KCTD1: variants seen among roughly 807,000 people sequenced by gnomAD.
KCTD1 encodes potassium channel tetramerization domain containing 1, also known as BTB/POZ domain-containing protein KCTD1.
A neutral mutation model predicts 66.0 loss-of-function variants in KCTD1; 24 were observed. The observed-to-expected ratio is 0.36, with a 90% CI of 0.26 to 0.51. The LOEUF is 0.51. Ranked by LOEUF, KCTD1 falls within the 20% of genes least tolerant of loss-of-function variation. KCTD1 has a pLI of 0.95. For synonymous variants in KCTD1, 511 were observed against 517.2 expected (o/e 0.99, Z 0.16); for missense variants, 943 against 1,205.2 (o/e 0.78, Z 3.22).
At chr18:26,621,009 A>AT (rs1428886655) in intron 1 of KCTD1, among the ~76,000 whole-genome samples, 3 of 151,206 alleles carry the variant, frequency 2.0e-5, no homozygotes, top group African/African-American at 7.3e-5. Context: ...ATTTTTTTGT[A>AT]TTTTTAATAG....
At chr18:26,599,418 G>A (rs1677527783) in intron 1 of KCTD1, 3 of 1,611,466 alleles carry the variant, frequency 1.9e-6, no homozygotes, top group Non-Finnish European at 2.5e-6. Flanking sequence ...GGCAGATTTT[G>A]GGATCTCTGC....
At chr18:26,474,450 C>T (rs545901651) in intron 3 of KCTD1, among the ~76,000 whole-genome samples, 61 of 152,350 alleles carry the variant, frequency 4.0e-4, no homozygotes, top group African/African-American at 1.4e-3. Context: ...CTTCCAACCA[C>T]ACCGTATGTT....
intron 2 of KCTD1, among the ~76,000 whole-genome samples, chr18:26,481,736 T>A (rs1284796422): frequency 6.6e-6 from 1 of 152,214 alleles, no homozygotes; most frequent in Non-Finnish European, 1.5e-5. Context: ...CATAATGCAG[T>A]GGTTCTTAAC....
chr18:26,576,461 G>A (rs16942421), intron 1 of KCTD1, among the ~76,000 whole-genome samples: 3,189 of 152,194 alleles, frequency 0.021, 59 homozygotes, highest in Middle Eastern at 0.061. Flanking sequence ...TGAATGTACT[G>A]TTGCCAGTCT....
chr18:26,642,094 G>A (rs766505444), upstream of KCTD1, among the ~76,000 whole-genome samples: 58 of 152,084 alleles, frequency 3.8e-4, no homozygotes, highest in African/African-American at 1.4e-3. Context: ...CTATGGAATT[G>A]GGCTTGATCT....
chr18:26,495,383 T>C (rs1355499836), intron 2 of KCTD1, among the ~76,000 whole-genome samples: 1 of 152,126 alleles, frequency 6.6e-6, no homozygotes, highest in Non-Finnish European at 1.5e-5. Flanking sequence ...TTGGTGTAGC[T>C]CCACATAAGC....
intron 1 of KCTD1, among the ~76,000 whole-genome samples, chr18:26,623,126 G>T (rs907186426): frequency 1.1e-4 from 16 of 151,982 alleles, no homozygotes; most frequent in African/African-American, 3.1e-4. Context: ...CTGGCTCCAG[G>T]TCTCTTCCCT....
intron 3 of KCTD1, among the ~76,000 whole-genome samples, chr18:26,473,563 TTAA>T (rs10551915): frequency 0.72 from 106,097 of 146,536 alleles, 38,792 homozygotes; most frequent in Middle Eastern, 0.81. Flanking sequence ...GAACTTAAAA[TTAA>T]TAATAATAAT....
At chr18:26,511,114 GAC>G (rs1378397501) in intron 1 of KCTD1, among the ~76,000 whole-genome samples, 1 of 152,100 alleles carries the variant, frequency 6.6e-6, no homozygotes, top group East Asian at 1.9e-4. Context: ...ATATACTCTT[GAC>G]ACAGTGCTAT....
intron 1 of KCTD1, among the ~76,000 whole-genome samples, chr18:26,624,861 C>A (rs778805583): frequency 2.0e-5 from 3 of 152,172 alleles, no homozygotes; most frequent in Non-Finnish European, 2.9e-5. Flanking sequence ...ATGAAAACAG[C>A]TGGAAGGGAG....
intron 1 of KCTD1, among the ~76,000 whole-genome samples, chr18:26,565,310 T>C (rs1985957052): frequency 6.6e-6 from 1 of 152,238 alleles, no homozygotes; most frequent in Non-Finnish European, 1.5e-5. Context: ...AGGGGATTCA[T>C]CAAAGAGCTT....
chr18:26,630,624 T>A (rs1057125119), upstream of KCTD1, among the ~76,000 whole-genome samples: 1 of 152,200 alleles, frequency 6.6e-6, no homozygotes, highest in Non-Finnish European at 1.5e-5. Flanking sequence ...CATGAGCCAC[T>A]GTGCCCAGCC....
At chr18:26,503,793 T>G (rs1982890524) in intron 1 of KCTD1, among the ~76,000 whole-genome samples, 1 of 131,992 alleles carries the variant, frequency 7.6e-6, no homozygotes, top group Admixed American at 9.9e-5. Context: ...CTGTAAGTCA[T>G]AAATGCAATG....
intron 1 of KCTD1, among the ~76,000 whole-genome samples, chr18:26,594,774 G>A (rs1261735833): frequency 6.6e-6 from 1 of 152,144 alleles, no homozygotes; most frequent in Admixed American, 6.6e-5. Context: ...TCATGTGAGT[G>A]GGCCTCATCC....
chr18:26,562,982 G>T (rs1239417047), intron 1 of KCTD1, among the ~76,000 whole-genome samples: 1 of 152,172 alleles, frequency 6.6e-6, no homozygotes, highest in Non-Finnish European at 1.5e-5. Context: ...GAGGAACACA[G>T]TTCCGTCCGC....
intron 1 of KCTD1, among the ~76,000 whole-genome samples, chr18:26,655,553 T>G (rs1471013065): frequency 6.6e-6 from 1 of 152,240 alleles, no homozygotes; most frequent in Non-Finnish European, 1.5e-5. Flanking sequence ...TACTCCTGCC[T>G]ACTGCGGTGC....
chr18:26,507,928 T>C (rs941772981), intron 1 of KCTD1, among the ~76,000 whole-genome samples: 2 of 152,150 alleles, frequency 1.3e-5, no homozygotes, highest in African/African-American at 4.8e-5. Context: ...CACAGTTGTA[T>C]ACATACGCAC....
At chr18:26,511,791 C>G (rs1275773547) in intron 1 of KCTD1, among the ~76,000 whole-genome samples, 1 of 152,108 alleles carries the variant, frequency 6.6e-6, no homozygotes, top group Non-Finnish European at 1.5e-5. Context: ...AGAGATTTGC[C>G]TTGTTCCTTT....
intron 1 of KCTD1, among the ~76,000 whole-genome samples, chr18:26,611,408 T>G (rs1987135308): frequency 6.6e-6 from 1 of 152,170 alleles, no homozygotes; most frequent in Non-Finnish European, 1.5e-5. Context: ...TGGAGTGCAC[T>G]GGAATGATCT....
Sources: allele counts gnomAD v4.1 joint callset (sites outside exome capture counted in the v4.1 genomes callset), GRCh38; gene constraint gnomAD v4.1.1; transcripts MANE v1.5; gene names NCBI Gene and HGNC (gene_info 2026-07-23, HGNC 2026-07-21).